Variants in ERAP1 observed in about 807,000 individuals in gnomAD.
ERAP1 encodes the protein adipocyte-derived leucine aminopeptidase.
Under a neutral mutation model 103.7 loss-of-function variants are expected in ERAP1, and 86 were observed. That is an observed-to-expected ratio of 0.83 (90% CI 0.70 to 0.99). ERAP1 has a LOEUF of 0.99. Among genes scored for constraint, ERAP1 ranks in the 50% least tolerant of loss-of-function variants. The pLI is 0.00. For missense variants in ERAP1, 1,009 were observed against 1,128.4 expected (o/e 0.89, Z 1.52); for synonymous variants, 398 against 402.4 (o/e 0.99, Z 0.13).
intron 9 of ERAP1, 35 bp downstream of exon 9, chr5:96,790,477 A>C: frequency 6.2e-7 from 1 of 1,613,422 alleles, no homozygotes; most frequent in South Asian, 1.1e-5. Flanking sequence ...AAGCCTGTCA[A>C]TCCCAAATGC....
chr5:96,862,182 G>A, the ERAP1 span, among the ~76,000 whole-genome samples: 4 of 151,942 alleles, frequency 2.6e-5, no homozygotes, highest in African/African-American at 9.7e-5. Context: ...TGTAGAGATG[G>A]GATCTTCCTA....
At position 96,793,858 on chromosome 5, in the gene ERAP1, G is replaced by GA. The variant is rs760727883; in HGVS notation, c.1018dup (p.Ser340PhefsTer5). The GA allele has an allele frequency of 5.6e-6, 9 of 1,614,144 alleles. No individual in the cohort carries two copies. In the African/African-American group the frequency reaches 1.1e-4, roughly 19 times the overall value. On this transcript the variant is annotated frameshift_variant, in exon 6 of 19. Transcript: ENST00000443439. LOFTEE classifies it high-confidence loss of function. The stretch of plus-strand genomic sequence containing the variant: ...TGTGATGCCAAGCTTACTTGATGCA[G>GA]AAGACTTTTCTGCATCAAACAACAG...
At chr5:96,795,912 G>A (rs1257726585) in intron 4 of ERAP1, among the ~76,000 whole-genome samples, 1 of 152,112 alleles carries the variant, frequency 6.6e-6, no homozygotes, top group Non-Finnish European at 1.5e-5. Flanking sequence ...ACAATTACCA[G>A]ACACAGATAT....
At chr5:96,935,806 G>C in the ERAP1 span, 4 of 294,082 alleles carry the variant, frequency 1.4e-5, no homozygotes, top group African/African-American at 8.8e-5. Context: ...CACATTTGTT[G>C]AGTGACTGAA....
chr5:96,841,050 G>A, the ERAP1 span, among the ~76,000 whole-genome samples: 17 of 152,088 alleles, frequency 1.1e-4, no homozygotes, highest in Non-Finnish European at 2.1e-4. Flanking sequence ...AAAATGTGCC[G>A]TCAGTCATGA....
At chr5:96,768,379 T>G in intron 19 of ERAP1, 1 of 457,600 alleles carries the variant, frequency 2.2e-6, no homozygotes. Flanking sequence ...CCACTGCGCC[T>G]GGCCCTTACA....
At chr5:96,872,542 T>A in the ERAP1 span, among the ~76,000 whole-genome samples, 4 of 152,140 alleles carry the variant, frequency 2.6e-5, no homozygotes, top group African/African-American at 9.7e-5. Context: ...GAGGCTCCAA[T>A]AAGCTGTAAT....
intron 15 of ERAP1, among the ~76,000 whole-genome samples, 181 bp downstream of exon 15, chr5:96,782,869 CT>C (rs2150911295): frequency 6.6e-6 from 1 of 152,236 alleles, no homozygotes; most frequent in Admixed American, 6.5e-5. Context: ...TAGAAGTTCC[CT>C]CCTAGCATTT....
chr5:96,762,414 A>T lies in ERAP1; in HGVS notation c.*786T>A, dbSNP rs768365176. 3.6e-6 allele frequency: 5 copies of T among 1,406,362 alleles called. 1 individual carries two copies. The South Asian group carries it at 5.4e-5, about 15-fold the overall frequency. 87.1% of individuals were successfully genotyped at this position (1,406,362 alleles called of 1,614,324 possible). The stretch of plus-strand genomic sequence containing the variant: ...ATTTGGGAGATAAATGTTTTTGCGC[A>T]GCCACAACTAGAAAGAAAATAGGGC... On this transcript the variant is annotated 3_prime_UTR_variant, in exon 20 of 20. Transcript: ENST00000296754.
the ERAP1 span, among the ~76,000 whole-genome samples, chr5:96,924,810 C>T: frequency 6.6e-6 from 1 of 152,098 alleles, no homozygotes; most frequent in Non-Finnish European, 1.5e-5. Context: ...GTTGGCCAAG[C>T]TGGTCTTGAA....
At chr5:96,910,964 A>G in the ERAP1 span, among the ~76,000 whole-genome samples, 3 of 152,232 alleles carry the variant, frequency 2.0e-5, no homozygotes, top group Non-Finnish European at 4.4e-5. Flanking sequence ...CAATTGTTAT[A>G]AAGTTGTTCA....
At chr5:96,807,743 T>G (rs568328351) in intron 1 of ERAP1, 117 bp downstream of exon 1, 1 of 687,422 alleles carries the variant, frequency 1.5e-6, no homozygotes, top group Admixed American at 6.5e-5. Flanking sequence ...GTGCCCCGTC[T>G]CCCTCCTCCC....
chr5:96,890,737 A>T, the ERAP1 span, among the ~76,000 whole-genome samples: 1 of 152,194 alleles, frequency 6.6e-6, no homozygotes, highest in Non-Finnish European at 1.5e-5. Context: ...AGCTATATCC[A>T]GGGACTTATT....
At chr5:96,770,400 A>G (rs1771843186), downstream of ERAP1, 4 of 609,128 alleles carry the variant, frequency 6.6e-6, no homozygotes, top group Non-Finnish European at 1.2e-5. Context: ...TCATGAAAAA[A>G]CACCCAAAGT....
In ERAP1 at chr5:96,776,480, G is replaced by C. The variant is rs201123726; in HGVS notation, c.2742C>G (p.Thr914=). The change falls in exon 19 of 19, where the codon ACC becomes ACG. Residue 914 remains threonine, a synonymous_variant. Transcript: ENST00000443439. ...CCATCCAACCGATGTTTTCTTCAATGGTTTCAATTGTCTGTTGGACACAAC... is the reference window on the plus strand; with the variant it reads ...CCATCCAACCGATGTTTTCTTCAATCGTTTCAATTGTCTGTTGGACACAAC... ...QLRCVQQTIE[T]IEENIGWMDK... 1.1e-5 allele frequency: 18 copies of C among 1,614,068 alleles called. No homozygotes were observed. The South Asian group carries it at 1.9e-4, about 17-fold the overall frequency.
chr5:96,776,557 G>A lies in ERAP1; in HGVS notation c.2671-6C>T, dbSNP rs777136996. ...GAGCTGAAGAATCCTTTTACCTTGT[G>A]AGGAAAAAGTGGGTTTTAAAAAATT... is the stretch of plus-strand genomic sequence containing the variant. On this transcript the variant is annotated splice_polypyrimidine_tract_variant and splice_region_variant and intron_variant, in intron 18 of 18. Transcript: ENST00000443439. 1 of 1,612,898 alleles carries A rather than the reference G, an allele frequency of 6.2e-7. No homozygotes were observed. The highest frequency in any genetic ancestry group is 8.5e-7 in the Non-Finnish European group (1 of 1,179,494).
chr5:96,780,560 A>G, intron 17 of ERAP1, 56 bp from the exon 18 acceptor site: 1 of 1,319,960 alleles, frequency 7.6e-7, no homozygotes, highest in Non-Finnish European at 1.1e-6. Context: ...TTTAACATAT[A>G]TTTTAAGGGC....
the ERAP1 span, among the ~76,000 whole-genome samples, chr5:96,855,016 CATTTCTGCAGATTAT>C: frequency 1.3e-5 from 2 of 152,266 alleles, no homozygotes; most frequent in Admixed American, 1.3e-4. Context: ...AAATGAAAGG[CATTTCTGCAGATTAT>C]ATAGGTTTTA....
the ERAP1 span, among the ~76,000 whole-genome samples, chr5:96,891,371 GTA>G: frequency 0.04 from 3,601 of 89,166 alleles, 65 homozygotes; most frequent in Middle Eastern, 0.19. Flanking sequence ...ATATATATGT[GTA>G]TATATATATA....
Sources: allele counts gnomAD v4.1 joint callset (sites outside exome capture counted in the v4.1 genomes callset), GRCh38; gene constraint gnomAD v4.1.1; transcripts MANE v1.5; gene names NCBI Gene and HGNC (gene_info 2026-07-23, HGNC 2026-07-21).